The following S100A8 variants were observed in gnomAD, a reference collection of about 807,000 sequenced individuals.
S100A8 encodes the protein protein S100-A8.
In S100A8, 1 loss-of-function variant was observed where a neutral mutation model predicts 4.2. That is an observed-to-expected ratio of 0.24 (90% CI 0.08 to 1.12). The LOEUF is 1.12. Ranked by LOEUF, S100A8 falls within the 50% of genes most tolerant of loss-of-function variation. The pLI, the probability that S100A8 is intolerant of heterozygous loss-of-function variation, is 0.53. For missense variants in S100A8, 96 were observed against 111.8 expected, an observed-to-expected ratio of 0.86 and a Z score of 0.64; for synonymous variants, 41 against 44.7, an observed-to-expected ratio of 0.92 and a Z score of 0.33.
chr1:153,414,025 T>C, the S100A8 span, among the ~76,000 whole-genome samples: 1 of 152,366 alleles, frequency 6.6e-6, no homozygotes, highest in Admixed American at 6.5e-5. Flanking sequence ...TTCTTTGTTG[T>C]CTTGTATTAA....
At chr1:153,418,096 A>C in the S100A8 span, 1 of 1,614,166 alleles carries the variant, frequency 6.2e-7, no homozygotes, top group Non-Finnish European at 8.5e-7. Flanking sequence ...AGCAACACTC[A>C]AGCTGAGAGG....
At chr1:153,391,270 G>T (rs767782076), upstream of S100A8, 5 of 917,576 alleles carry the variant, frequency 5.4e-6, no homozygotes, top group Non-Finnish European at 6.5e-6. Context: ...GAAGGCATTT[G>T]CTGGGCAATA....
At chr1:153,418,000 T>C in the S100A8 span, 14 of 1,582,906 alleles carry the variant, frequency 8.8e-6, no homozygotes, top group East Asian at 1.3e-4. Context: ...GCCCTCCTTC[T>C]AACACCCCCA....
the S100A8 span, among the ~76,000 whole-genome samples, chr1:153,410,326 C>T: frequency 6.6e-6 from 1 of 152,210 alleles, no homozygotes; most frequent in Non-Finnish European, 1.5e-5. Context: ...GAAAGACAAA[C>T]TACCATTAGA....
At chr1:153,421,469 G>C in the S100A8 span, 1 of 152,224 alleles carries the variant, frequency 6.6e-6, no homozygotes, top group Admixed American at 6.5e-5. Flanking sequence ...CTCATAATAA[G>C]TACTCTATAT....
chr1:153,415,719 GGGC>G, the S100A8 span, among the ~76,000 whole-genome samples: 1,203 of 116,396 alleles, frequency 0.01, 19 homozygotes, highest in African/African-American at 0.039. Context: ...GGGGCGGGGG[GGGC>G]GGGGGTCACT....
chr1:153,394,071 C>A (rs976005039), upstream of S100A8, among the ~76,000 whole-genome samples: 1 of 152,184 alleles, frequency 6.6e-6, no homozygotes, highest in Non-Finnish European at 1.5e-5. Flanking sequence ...TGGGTAAGCA[C>A]ATCTGGGGAA....
chr1:153,392,827 C>T (rs1397826319), upstream of S100A8, among the ~76,000 whole-genome samples: 1 of 152,176 alleles, frequency 6.6e-6, no homozygotes, highest in Non-Finnish European at 1.5e-5. Flanking sequence ...ATAAATCCAG[C>T]TCTCTCTGGA....
At chr1:153,406,611 T>A in the S100A8 span, among the ~76,000 whole-genome samples, 1 of 152,236 alleles carries the variant, frequency 6.6e-6, no homozygotes, top group East Asian at 1.9e-4. Context: ...AATTGCTTTC[T>A]GTCCTCTTCC....
chr1:153,391,173 C>T, upstream of S100A8: 4 of 985,518 alleles, frequency 4.1e-6, no homozygotes, highest in Non-Finnish European at 4.8e-6. Context: ...AGAGTTGCTA[C>T]AGTCTCTGGT....
chr1:153,403,209 T>G, the S100A8 span, among the ~76,000 whole-genome samples: 22 of 152,366 alleles, frequency 1.4e-4, no homozygotes, highest in Non-Finnish European at 2.9e-4. Flanking sequence ...CTAAGAGTTT[T>G]AGTTTTAGCT....
chr1:153,411,526 A>C, the S100A8 span, among the ~76,000 whole-genome samples: 1 of 152,256 alleles, frequency 6.6e-6, no homozygotes, highest in African/African-American at 2.4e-5. Context: ...GGATAGGAAG[A>C]ATCAATATTG....
the S100A8 span, among the ~76,000 whole-genome samples, chr1:153,400,342 G>C: frequency 6.6e-6 from 1 of 152,104 alleles, no homozygotes; most frequent in African/African-American, 2.4e-5. Flanking sequence ...ATGCTACCTG[G>C]GCCCCTGAGT....
At chr1:153,405,131 C>T in the S100A8 span, among the ~76,000 whole-genome samples, 1 of 151,922 alleles carries the variant, frequency 6.6e-6, no homozygotes, top group African/African-American at 2.4e-5. Context: ...TTTACCTACA[C>T]GGCCCAGCCT....
chr1:153,411,794 A>G, the S100A8 span, among the ~76,000 whole-genome samples: 1 of 152,230 alleles, frequency 6.6e-6, no homozygotes, highest in Admixed American at 6.5e-5. Context: ...GTATAGAGCA[A>G]TGTAACAGAA....
Position 153,390,467 on chromosome 1 carries a change from C to T in S100A8, c.69G>A (p.Lys23=). 6.2e-7 allele frequency: 1 copy of T among 1,614,212 alleles called. No homozygotes were observed. The highest frequency in any genetic ancestry group is 8.5e-7 in the Non-Finnish European group (1 of 1,180,036). The change falls in exon 2 of 3, where the codon AAG becomes AAA. Residue 23 remains lysine (K), a synonymous_variant. Coordinates refer to ENST00000368733, the MANE Select transcript of S100A8 (RefSeq NM_002964.5). The part of the protein sequence containing the change: ...IDVYHKYSLI[K]GNFHAVYRDD... ...CCCTGTAGACGGCATGGAAATTCCC[C>T]TTTATCAGGGAGTACTTGTGGTAGA...
At chr1:153,412,554 A>C in the S100A8 span, among the ~76,000 whole-genome samples, 2 of 152,242 alleles carry the variant, frequency 1.3e-5, no homozygotes, top group Admixed American at 6.5e-5. Flanking sequence ...TAGTTCAACC[A>C]TTGTGGAAGA....
At chr1:153,415,543 G>C in the S100A8 span, among the ~76,000 whole-genome samples, 6 of 152,130 alleles carry the variant, frequency 3.9e-5, no homozygotes, top group South Asian at 2.1e-4. Context: ...CCTGGTTCAG[G>C]CTTTCCACAG....
the S100A8 span, among the ~76,000 whole-genome samples, chr1:153,401,533 A>G: frequency 5.3e-5 from 8 of 152,164 alleles, no homozygotes; most frequent in Non-Finnish European, 1.0e-4. Context: ...ATCTTGACAA[A>G]CACAGTCTTC....
Sources: allele counts gnomAD v4.1 joint callset (sites outside exome capture counted in the v4.1 genomes callset), GRCh38; gene constraint gnomAD v4.1.1; transcripts MANE v1.5; gene names NCBI Gene and HGNC (gene_info 2026-07-23, HGNC 2026-07-21).